The following TENT4A variants were observed in gnomAD, a reference collection of about 807,000 sequenced individuals.
TENT4A encodes DNA polymerase kappa.
Under a neutral mutation model 72.8 loss-of-function variants are expected in TENT4A, and 7 were observed. That is an observed-to-expected ratio of 0.10 (90% confidence interval 0.05 to 0.18). TENT4A has a LOEUF of 0.18. Ranked by LOEUF, TENT4A falls within the 10% of genes least tolerant of loss-of-function variation. TENT4A has a pLI of 1.00. For synonymous variants in TENT4A, 456 were observed against 434.3 expected (o/e 1.05, Z -0.62); for missense variants, 831 against 1,017.7 (o/e 0.82, Z 2.50).
intron 1 of TENT4A, among the ~76,000 whole-genome samples, chr5:6,735,131 A>G (rs1741414005): frequency 6.6e-6 from 1 of 152,238 alleles, no homozygotes; most frequent in Non-Finnish European, 1.5e-5. Context: ...TGCCCTGTTT[A>G]CAATATGCTT....
intron 1 of TENT4A, among the ~76,000 whole-genome samples, chr5:6,732,359 A>G (rs1425998868): frequency 6.6e-6 from 1 of 152,236 alleles, no homozygotes; most frequent in Non-Finnish European, 1.5e-5. Flanking sequence ...ACCTGTTGTC[A>G]TCAATAGCTT....
At chr5:6,749,371 C>A (rs1335077701) in intron 8 of TENT4A, among the ~76,000 whole-genome samples, 186 bp from the exon 9 acceptor site, 1 of 152,220 alleles carries the variant, frequency 6.6e-6, no homozygotes, top group Non-Finnish European at 1.5e-5. Flanking sequence ...GTACTGCGAT[C>A]CCAGGGTATG....
chr5:6,715,109 T>A (rs1323632354), intron 1 of TENT4A: 1 of 154,086 alleles, frequency 6.5e-6, no homozygotes, highest in Non-Finnish European at 1.4e-5. Flanking sequence ...GGAACTCGAA[T>A]CACGTCGAAG....
At position 6,726,882 on chromosome 5, in the gene TENT4A, GC is replaced by G. The variant is rs904864864; in HGVS notation, c.717-10627del. Among the ~76,000 whole-genome samples the G allele has an allele frequency of 4.9e-4, 74 of 152,284 alleles. 1 individual carries two copies. Among genetic ancestry groups the G allele is most frequent in the African/African-American group, 1.6e-3 (68 of 41,532 alleles). ...ATAGACTGAGGTCGGCCTTAGCGTG[GC>G]GGGGGGTTTTCTCTTGAGTCTTGGA... On this transcript the variant is annotated intron_variant, in intron 1 of 12. Coordinates refer to ENST00000230859, the MANE Select transcript of TENT4A (RefSeq NM_006999.6).
At chr5:6,716,391 G>A (rs970072143) in intron 1 of TENT4A, among the ~76,000 whole-genome samples, 3 of 152,132 alleles carry the variant, frequency 2.0e-5, no homozygotes, top group Non-Finnish European at 4.4e-5. Context: ...CACGCTCTTC[G>A]TCACCCACGT....
At chr5:6,734,250 A>G (rs1741354040) in intron 1 of TENT4A, among the ~76,000 whole-genome samples, 10 of 152,090 alleles carry the variant, frequency 6.6e-5, no homozygotes, top group Admixed American at 6.5e-5. Context: ...TTGTTGGGCT[A>G]CTCTTACTGT....
At chr5:6,748,619 T>G in intron 8 of TENT4A, 29 bp downstream of exon 8, 1 of 1,596,446 alleles carries the variant, frequency 6.3e-7, no homozygotes, top group Non-Finnish European at 8.6e-7. Flanking sequence ...GCGTCTGGGC[T>G]CAGCGTGCCT....
rs1740248598 is a variant in TENT4A at position 6,714,335 on chromosome 5, A to C, written c.352A>C (p.Asn118His). Residue 118 changes from asparagine (N) to histidine (H), a missense_variant, in exon 1 of 13, where the codon AAC (asparagine) becomes CAC (histidine). Coordinates refer to ENST00000230859, the MANE Select transcript of TENT4A (RefSeq NM_006999.6). ...LSSSSSSSSS[N>H]AESGTESPGC... ...GTCCTCGTCGTCGTCCTCCTCGTCC[A>C]ACGCGGAGTCGGGCACCGAGAGCCC... 2 of 1,125,508 alleles carry C rather than the reference A, an allele frequency of 1.8e-6. No individual in the cohort carries two copies. Among genetic ancestry groups the C allele is most frequent in the African/African-American group, 1.7e-5 (1 of 59,060 alleles). The allele number at this position is 1,125,508 out of a possible 1,614,324, so 69.7% of individuals were successfully genotyped here. A position where few individuals can be genotyped will look rare whatever the true frequency, so the allele number is the denominator to read the frequency against.
chr5:6,746,621 C>T (rs1742114482), intron 7 of TENT4A, among the ~76,000 whole-genome samples, 194 bp downstream of exon 7: 1 of 152,188 alleles, frequency 6.6e-6, no homozygotes, highest in African/African-American at 2.4e-5. Context: ...TTTTGTCTTT[C>T]TAACTGTTTA....
At chr5:6,754,255 G>C (rs1166538904) in intron 12 of TENT4A, among the ~76,000 whole-genome samples, 1 of 152,110 alleles carries the variant, frequency 6.6e-6, no homozygotes, top group Non-Finnish European at 1.5e-5. Flanking sequence ...TGCAACCTCC[G>C]CCTCCCGGGT....
At chr5:6,724,883 G>T (rs989823909) in intron 1 of TENT4A, among the ~76,000 whole-genome samples, 42 of 152,198 alleles carry the variant, frequency 2.8e-4, no homozygotes, top group Admixed American at 2.7e-3. Flanking sequence ...GGGAGAGGCT[G>T]TTCTCGGCAC....
chr5:6,733,365 G>A (rs1253911272), intron 1 of TENT4A, among the ~76,000 whole-genome samples: 2 of 151,990 alleles, frequency 1.3e-5, no homozygotes, highest in Admixed American at 6.5e-5. Context: ...TGGCATGCCT[G>A]GGGGGCAGCA....
intron 1 of TENT4A, among the ~76,000 whole-genome samples, chr5:6,728,309 G>GT (rs1333232983): frequency 3.9e-5 from 6 of 152,116 alleles, no homozygotes; most frequent in Admixed American, 6.6e-5. Flanking sequence ...AATAGTAACA[G>GT]TTTTTTTTAC....
At chr5:6,753,080 C>A (rs992884905) in intron 12 of TENT4A, 43 bp downstream of exon 12, 22 of 1,521,318 alleles carry the variant, frequency 1.4e-5, no homozygotes, top group African/African-American at 2.7e-5. Context: ...GTTCAAGCTG[C>A]CATGTGAGAG....
chr5:6,726,712 C>G (rs1023287160), intron 1 of TENT4A, among the ~76,000 whole-genome samples: 3 of 152,156 alleles, frequency 2.0e-5, no homozygotes, highest in African/African-American at 7.2e-5. Flanking sequence ...CGTTGCCTGT[C>G]CTCTCTGGCT....
At chr5:6,728,380 C>CT (rs1741046017) in intron 1 of TENT4A, among the ~76,000 whole-genome samples, 2 of 152,250 alleles carry the variant, frequency 1.3e-5, no homozygotes, top group South Asian at 4.1e-4. Context: ...AGCGGTGCCT[C>CT]TGAGAGCTGG....
At position 6,714,372 on chromosome 5, in the gene TENT4A, C is replaced by T; in HGVS notation, c.389C>T (p.Ser130Leu). Residue 130 changes from serine (S) to leucine (L), a missense_variant, in exon 1 of 13, where the codon TCG becomes TTG. Ser to Leu is a moderately radical substitution (Grantham distance 145). This residue lies in a region of TENT4A where 302 missense variants were observed against 293.8 expected (regional missense o/e 1.03). Transcript: ENST00000230859. Reference sequence around the variant, plus strand: ...GGCACCGAGAGCCCCGGCTGCTCGTCGTCGTCCTCCAGCAGCGCCTCGCTG... The same window carrying T: ...GGCACCGAGAGCCCCGGCTGCTCGTTGTCGTCCTCCAGCAGCGCCTCGCTG... ...ESGTESPGCS[S>L]SSSSSASLGR... The T allele has an allele frequency of 1.8e-6, 2 of 1,137,080 alleles. No homozygotes were observed. The highest frequency in any genetic ancestry group is 2.2e-6 in the Non-Finnish European group (2 of 928,094). The allele number at this position is 1,137,080 out of a possible 1,614,324, so 70.4% of individuals were successfully genotyped here. A position where few individuals can be genotyped will look rare whatever the true frequency, so the allele number is the denominator to read the frequency against.
chr5:6,742,483 T>C lies in TENT4A; in HGVS notation c.1009-7T>C. ...TTAAAGCAGTTTTTAAAATGAAATC[T>C]TTACAGGTACCAATAATAAAGCTCA... is the stretch of plus-strand genomic sequence containing the variant. On this transcript the variant is annotated splice_polypyrimidine_tract_variant and splice_region_variant and intron_variant, in intron 4 of 12. Coordinates refer to ENST00000230859, the MANE Select transcript of TENT4A (RefSeq NM_006999.6). 1.3e-6 allele frequency: 2 copies of C among 1,581,918 alleles called. No individual in the cohort carries two copies. Among genetic ancestry groups the C allele is most frequent in the South Asian group, 2.2e-5 (2 of 90,452 alleles).
chr5:6,733,591 A>C (rs1741313439), intron 1 of TENT4A, among the ~76,000 whole-genome samples: 1 of 152,256 alleles, frequency 6.6e-6, no homozygotes, highest in Non-Finnish European at 1.5e-5. Context: ...TTTTATGCAG[A>C]CGTCCTGCCA....
Sources: gnomAD v4.1 joint callset for allele counts (sites outside exome capture counted in the v4.1 genomes callset) on GRCh38, gnomAD v4.1.1 for gene constraint, gnomAD v4.1.1 regional missense constraint, MANE v1.5 for transcripts, NCBI Gene and HGNC (gene_info 2026-07-23, HGNC 2026-07-21) for gene names.